The following P2RX5 variants were observed in gnomAD, a reference collection of about 807,000 sequenced individuals.
The protein encoded by P2RX5 is P2X purinoceptor 5.
Under a neutral mutation model 54.1 loss-of-function variants are expected in P2RX5, and 46 were observed. The observed-to-expected ratio is 0.85, with a 90% CI of 0.67 to 1.09. The LOEUF is 1.09. Ranked by LOEUF, P2RX5 falls within the 50% of genes least tolerant of loss-of-function variation. P2RX5 has a pLI of 0.00. For missense variants in P2RX5, 566 were observed against 549.8 expected, an observed-to-expected ratio of 1.03 and a Z score of -0.29; for synonymous variants, 226 against 226.4, an observed-to-expected ratio of 1.00 and a Z score of 0.02.
intron 3 of P2RX5, 137 bp downstream of exon 3, chr17:3,690,819 C>T: frequency 8.9e-7 from 1 of 1,129,270 alleles, no homozygotes; most frequent in Non-Finnish European, 1.3e-6. Context: ...CCATATAATG[C>T]AGGAACCACA....
chr17:3,673,871 C>T lies in P2RX5; in HGVS notation c.1266G>A (p.Thr422=), dbSNP rs1235387093. 1.9e-6 allele frequency: 3 copies of T among 1,612,720 alleles called. No individual in the cohort carries two copies. The highest frequency in any genetic ancestry group is 1.1e-5 in the South Asian group (1 of 90,812). ...CCTGAACGTAAGCAGAGGCAATTCA[C>T]GTGCTCCTGGAATATCAGAACAGAA... ...CPQLLEPHRS[T] Residue 422 remains threonine, a synonymous_variant, in exon 12 of 12, where the codon ACG becomes ACA. Coordinates refer to ENST00000225328, the MANE Select transcript of P2RX5 (RefSeq NM_002561.4).
chr17:3,687,971 CG>C (rs1240464339), intron 9 of P2RX5, 40 bp downstream of exon 9: 1 of 482,206 alleles, frequency 2.1e-6, no homozygotes, highest in Non-Finnish European at 3.9e-6. Context: ...TCCCAGCCCC[CG>C]CCCCCCGCCC....
chr17:3,715,794 C>T, the P2RX5 span, among the ~76,000 whole-genome samples: 3 of 151,790 alleles, frequency 2.0e-5, no homozygotes, highest in Admixed American at 6.6e-5. Context: ...CCTAGGAGTA[C>T]GAGGCTGCAG....
At chr17:3,679,425 G>T (rs1216438983) in intron 11 of P2RX5, among the ~76,000 whole-genome samples, 165 bp downstream of exon 11, 1 of 152,188 alleles carries the variant, frequency 6.6e-6, no homozygotes, top group Non-Finnish European at 1.5e-5. Context: ...TAAAGCACCA[G>T]CCCCTTCCCA....
the P2RX5 span, chr17:3,718,024 C>T: frequency 6.6e-6 from 1 of 152,240 alleles, no homozygotes; most frequent in African/African-American, 2.4e-5. Flanking sequence ...CCACAGATTC[C>T]CAAAAGTGCC....
At chr17:3,706,125 G>A in the P2RX5 span, among the ~76,000 whole-genome samples, 1 of 151,470 alleles carries the variant, frequency 6.6e-6, no homozygotes, top group Non-Finnish European at 1.5e-5. Context: ...TGGCTAATTT[G>A]TTGTATTTTA....
the P2RX5 span, among the ~76,000 whole-genome samples, chr17:3,710,902 T>C: frequency 6.6e-6 from 1 of 152,124 alleles, no homozygotes; most frequent in Non-Finnish European, 1.5e-5. Context: ...CACTCCAGCA[T>C]GAACGAGAGC....
the P2RX5 span, among the ~76,000 whole-genome samples, chr17:3,713,695 A>G: frequency 3.3e-5 from 5 of 151,634 alleles, no homozygotes; most frequent in African/African-American, 1.2e-4. Context: ...GGTTGCGGTG[A>G]GCCAAGATCA....
chr17:3,680,629 C>T (rs1465131353), intron 10 of P2RX5, among the ~76,000 whole-genome samples: 1 of 96,234 alleles, frequency 1.0e-5, no homozygotes, highest in African/African-American at 4.5e-5. Context: ...CTGCAGGCCA[C>T]CACCCTGCTT....
the P2RX5 span, chr17:3,720,338 T>C: frequency 6.3e-7 from 1 of 1,589,470 alleles, no homozygotes; most frequent in East Asian, 2.2e-5. Flanking sequence ...ATTCAGTCCC[T>C]CATATAGAGA....
At chr17:3,710,775 A>G in the P2RX5 span, among the ~76,000 whole-genome samples, 1 of 151,810 alleles carries the variant, frequency 6.6e-6, no homozygotes, top group African/African-American at 2.4e-5. Context: ...TAAAAATACA[A>G]AAGTTAGTTG....
the P2RX5 span, among the ~76,000 whole-genome samples, chr17:3,716,214 G>T: frequency 9.1e-6 from 1 of 109,330 alleles, no homozygotes; most frequent in East Asian, 2.2e-4. Context: ...GGCAGAGACG[G>T]GTAGCGGACA....
chr17:3,679,767 G>A lies in P2RX5; in HGVS notation c.1082C>T (p.Ser361Phe), dbSNP rs1370740185. 3.7e-6 allele frequency: 6 copies of A among 1,610,774 alleles called. No homozygotes were observed. Among genetic ancestry groups the A allele is most frequent in the Non-Finnish European group, 4.2e-6 (5 of 1,179,774 alleles). Reference protein sequence around the residue: ...YEEVRGLEDSSQEAEDEASGL... With the variant: ...YEEVRGLEDSFQEAEDEASGL... The stretch of plus-strand genomic sequence containing the variant: ...CGATGCCTCGTCCTCGGCCTCCTGG[G>A]AACTGTCTTCTAGGCCCCTGGACAA... The change falls in exon 11 of 12, where the codon TCC becomes TTC. Residue 361 changes from serine (S) to phenylalanine (F), a missense_variant. Ser to Phe is a radical substitution (Grantham distance 155). Coordinates refer to ENST00000225328, the MANE Select transcript of P2RX5 (RefSeq NM_002561.4).
the P2RX5 span, among the ~76,000 whole-genome samples, chr17:3,708,432 A>T: frequency 6.7e-6 from 1 of 149,020 alleles, no homozygotes; most frequent in Non-Finnish European, 1.5e-5. Flanking sequence ...TTTGAACTGG[A>T]CAAGAAAGAA....
chr17:3,700,763 A>T (rs1041173456), upstream of P2RX5, among the ~76,000 whole-genome samples: 1 of 152,128 alleles, frequency 6.6e-6, no homozygotes, highest in African/African-American at 2.4e-5. Context: ...ATAATGAGTG[A>T]ATTCTCACTC....
In P2RX5 at chr17:3,690,529, G is replaced by A. The variant is rs368577926; in HGVS notation, c.437-6C>T. On this transcript the variant is annotated splice_polypyrimidine_tract_variant and splice_region_variant and intron_variant, in intron 4 of 11. Transcript: ENST00000225328. ...GCAGCGGCCGGTCTTCACTCCTGCAGGGGTGGGACAGGATCAATGCCAGGA... is the reference window on the plus strand; with the variant it reads ...GCAGCGGCCGGTCTTCACTCCTGCAAGGGTGGGACAGGATCAATGCCAGGA... The A allele has an allele frequency of 6.2e-7, 1 of 1,613,368 alleles. No individual in the cohort carries two copies. Among genetic ancestry groups the A allele is most frequent in the Non-Finnish European group, 8.5e-7 (1 of 1,179,716 alleles).
chr17:3,720,480 A>G, the P2RX5 span: 1 of 707,616 alleles, frequency 1.4e-6, no homozygotes, highest in East Asian at 2.6e-5. Flanking sequence ...AGCCTTCACC[A>G]CCTTTCCCTT....
chr17:3,721,309 T>A, the P2RX5 span, among the ~76,000 whole-genome samples: 16,187 of 135,482 alleles, frequency 0.12, 3,862 homozygotes, highest in African/African-American at 0.45. Flanking sequence ...TCTCACTCTG[T>A]TACTCGGGCC....
chr17:3,690,073 G>C lies in P2RX5; in HGVS notation c.611C>G (p.Ser204Cys), dbSNP rs376122191. The change falls in exon 6 of 12, where the codon TCC (serine) becomes TGC (cysteine). Residue 204 changes from serine to cysteine, a missense_variant. Coordinates refer to ENST00000225328, the MANE Select transcript of P2RX5 (RefSeq NM_002561.4). ...NHIRFPKFNF[S>C]KSNVMDVKDR... is the part of the protein sequence containing the mutation. ...CCCAGTAGCCAAGCCCACGTACTTG[G>C]AGAAGTTGAATTTGGGGAAACGGAT... The C allele has an allele frequency of 8.3e-5, 134 of 1,614,118 alleles. No individual in the cohort carries two copies. In the East Asian group the frequency reaches 2.0e-3, roughly 24 times the overall value.
Sources: gnomAD v4.1 joint callset for allele counts (sites outside exome capture counted in the v4.1 genomes callset) on GRCh38, gnomAD v4.1.1 for gene constraint, MANE v1.5 for transcripts, NCBI Gene and HGNC (gene_info 2026-07-23, HGNC 2026-07-21) for gene names.